RSU1: variants seen among roughly 807,000 people sequenced by gnomAD.
RSU1 encodes the protein rsu-1.
Under a neutral mutation model 31.1 loss-of-function variants are expected in RSU1, and 26 were observed. The ratio of observed to expected loss-of-function variants is 0.84; its 90% CI spans 0.61 to 1.16. RSU1 has a LOEUF of 1.16. Among genes scored for constraint, RSU1 ranks in the 50% most tolerant of loss-of-function variants. The pLI is 0.00. For synonymous variants in RSU1, 164 were observed against 136.3 expected, an observed-to-expected ratio of 1.20 and a Z score of -1.41; for missense variants, 320 against 339.1, an observed-to-expected ratio of 0.94 and a Z score of 0.44.
chr10:16,806,020 GATA>G (rs1444916235), intron 2 of RSU1, among the ~76,000 whole-genome samples: 5 of 152,198 alleles, frequency 3.3e-5, no homozygotes, highest in African/African-American at 1.2e-4. Context: ...CCAACCTACT[GATA>G]ATGTTTCTTG....
intron 3 of RSU1, 47 bp downstream of exon 3, chr10:16,781,987 G>T: frequency 1.3e-6 from 2 of 1,520,000 alleles, no homozygotes; most frequent in Non-Finnish European, 1.8e-6. Context: ...AGTGCCATAG[G>T]ATTACCTAAA....
At chr10:16,682,889 G>A (rs896734522) in intron 8 of RSU1, among the ~76,000 whole-genome samples, 1 of 152,078 alleles carries the variant, frequency 6.6e-6, no homozygotes, top group Non-Finnish European at 1.5e-5. Context: ...CCCTCCTTAT[G>A]AGTGAAGGAC....
chr10:16,762,294 T>TTATATA lies in RSU1; in HGVS notation c.281+2090_281+2095dup, dbSNP rs57480136. Among the ~76,000 whole-genome samples the TTATATA allele has an allele frequency of 7.4e-4, 111 of 149,776 alleles. No homozygotes were observed. In the South Asian group the frequency reaches 0.012, roughly 16 times the overall value. ...AGCACTGTTCCTAGTGATTGAGATT[T>TTATATA]TATATATATATATATAAAATAGATA... On this transcript the variant is annotated intron_variant, in intron 4 of 8. Coordinates refer to ENST00000345264, the MANE Select transcript of RSU1 (RefSeq NM_012425.4).
intron 7 of RSU1, among the ~76,000 whole-genome samples, chr10:16,729,398 GT>G (rs1222998560): frequency 6.6e-6 from 1 of 152,150 alleles, no homozygotes; most frequent in Non-Finnish European, 1.5e-5. Flanking sequence ...GTGGCAGGAA[GT>G]TTCAGTGAAA....
At chr10:16,716,737 G>A (rs1836149554) in intron 7 of RSU1, among the ~76,000 whole-genome samples, 1 of 152,088 alleles carries the variant, frequency 6.6e-6, no homozygotes, top group African/African-American at 2.4e-5. Flanking sequence ...TACAACTAAA[G>A]AGCCCTTTCA....
chr10:16,787,867 T>C (rs1244370523), intron 2 of RSU1, among the ~76,000 whole-genome samples: 2 of 152,222 alleles, frequency 1.3e-5, no homozygotes, highest in East Asian at 1.9e-4. Flanking sequence ...ACCCAGTTAA[T>C]GGCTTTAGGA....
chr10:16,622,061 C>T (rs935755471), intron 8 of RSU1, among the ~76,000 whole-genome samples: 1 of 152,140 alleles, frequency 6.6e-6, no homozygotes, highest in Admixed American at 6.6e-5. Flanking sequence ...ATGCCTGTAT[C>T]AAAACAACTC....
intron 3 of RSU1, 131 bp from the exon 4 acceptor site, chr10:16,764,641 C>G: frequency 1.1e-6 from 1 of 932,706 alleles, no homozygotes; most frequent in African/African-American, 1.7e-5. Flanking sequence ...ATTCACCTAC[C>G]GGTCTTATTT....
intron 2 of RSU1, among the ~76,000 whole-genome samples, chr10:16,814,072 T>C (rs1181785342): frequency 5.3e-5 from 8 of 152,218 alleles, no homozygotes; most frequent in Non-Finnish European, 1.2e-4. Context: ...TCTCTGTACA[T>C]ACAAGTTTAA....
At chr10:16,662,921 G>C (rs950507420) in intron 8 of RSU1, among the ~76,000 whole-genome samples, 1 of 151,394 alleles carries the variant, frequency 6.6e-6, no homozygotes, top group African/African-American at 2.4e-5. Context: ...CCATGACTGA[G>C]TGAGAAACTG....
At position 16,724,944 on chromosome 10, in the gene RSU1, T is replaced by C. The variant is rs138412482; in HGVS notation, c.598+27595A>G. Among the ~76,000 whole-genome samples the C allele has an allele frequency of 2.0e-5, 3 of 152,336 alleles. No homozygotes were observed. In the East Asian group the frequency reaches 5.8e-4, roughly 29 times the overall value. On this transcript the variant is annotated intron_variant, in intron 7 of 8. Coordinates refer to ENST00000345264, the MANE Select transcript of RSU1 (RefSeq NM_012425.4). ...AAAGCATACTGAATGGTTCCGTTCA[T>C]GTAGAATCCCAAAACAGCAAAAGTC...
In RSU1 at chr10:16,646,046, A is replaced by ATG. The variant is rs1184138386; in HGVS notation, c.731+48975_731+48976dup. 4.1e-4 allele frequency among the ~76,000 whole-genome samples: 19 copies of ATG among 46,510 alleles called. 3 individuals are homozygous for ATG. Among genetic ancestry groups the ATG allele is most frequent in the African/African-American group, 1.5e-3 (17 of 11,530 alleles). The allele number at this position is 46,510 out of a possible 152,430, so 30.5% of individuals were successfully genotyped here. ...TGTATATATATGTGTATATACATAT[A>ATG]TGTGTATATATATATACACACACAC... On this transcript the variant is annotated intron_variant, in intron 8 of 8. Coordinates refer to ENST00000345264, the MANE Select transcript of RSU1 (RefSeq NM_012425.4).
chr10:16,709,067 C>T (rs987478600), intron 7 of RSU1, among the ~76,000 whole-genome samples: 3 of 150,736 alleles, frequency 2.0e-5, no homozygotes, highest in African/African-American at 7.3e-5. Flanking sequence ...CATATGTATA[C>T]ATGTGCCATG....
intron 7 of RSU1, among the ~76,000 whole-genome samples, chr10:16,712,320 A>G (rs1444899687): frequency 1.3e-5 from 2 of 152,088 alleles, no homozygotes; most frequent in African/African-American, 2.4e-5. Flanking sequence ...ACTTTAATCC[A>G]TTTATATTCA....
intron 8 of RSU1, among the ~76,000 whole-genome samples, chr10:16,625,810 T>C (rs1834148424): frequency 6.6e-6 from 1 of 152,176 alleles, no homozygotes; most frequent in Non-Finnish European, 1.5e-5. Flanking sequence ...AGCAAGAGGT[T>C]GGGCTTTGAA....
chr10:16,798,759 G>A (rs1238578950), intron 2 of RSU1, among the ~76,000 whole-genome samples: 1 of 151,958 alleles, frequency 6.6e-6, no homozygotes, highest in Admixed American at 6.6e-5. Context: ...AATGACCTAC[G>A]CCCTACACCA....
chr10:16,591,078 A>AT lies in RSU1; in HGVS notation c.*2315dup, dbSNP rs1378235676. The AT allele has an allele frequency of 1.3e-5, 2 of 152,120 alleles. No homozygotes were observed. Among genetic ancestry groups the AT allele is most frequent in the Non-Finnish European group, 2.9e-5 (2 of 68,042 alleles). 9.4% of individuals were successfully genotyped at this position (152,120 alleles called of 1,614,324 possible). On this transcript the variant is annotated 3_prime_UTR_variant, in exon 9 of 9. Coordinates refer to ENST00000345264, the MANE Select transcript of RSU1 (RefSeq NM_012425.4). Reference sequence around the variant, plus strand: ...AGGCGCATGCTGCGACGCCCGGCTAATTTTTTGTATTTTAGTAGAGACGGG... The same window carrying AT: ...AGGCGCATGCTGCGACGCCCGGCTAATTTTTTTGTATTTTAGTAGAGACGGG...
intron 8 of RSU1, among the ~76,000 whole-genome samples, chr10:16,635,061 C>T (rs1007109230): frequency 1.3e-5 from 2 of 152,176 alleles, no homozygotes; most frequent in Non-Finnish European, 2.9e-5. Context: ...AGAAAACGGA[C>T]GTCCATAAAT....
chr10:16,597,561 T>C (rs919210790), intron 8 of RSU1, among the ~76,000 whole-genome samples: 1 of 152,206 alleles, frequency 6.6e-6, no homozygotes, highest in African/African-American at 2.4e-5. Flanking sequence ...TTGTCTTCCT[T>C]GCAGGGTGTT....
Sources: gnomAD v4.1 joint callset for allele counts (sites outside exome capture counted in the v4.1 genomes callset) on GRCh38, gnomAD v4.1.1 for gene constraint, MANE v1.5 for transcripts, NCBI Gene and HGNC (gene_info 2026-07-23, HGNC 2026-07-21) for gene names.